The following MEPCE variants were observed in gnomAD, a reference collection of about 807,000 sequenced individuals.
The protein encoded by MEPCE is methylphosphate capping enzyme.
MEPCE carries 9 observed loss-of-function variants against 52.3 expected under a neutral mutation model. That is an observed-to-expected ratio of 0.17 (90% CI 0.10 to 0.30). The LOEUF is 0.30. MEPCE is among the 10% of genes least tolerant of loss of function. MEPCE has a pLI of 1.00. For synonymous variants in MEPCE, 477 were observed against 401.6 expected (o/e 1.19, Z -2.25); for missense variants, 826 against 933.0 (o/e 0.89, Z 1.49).
In MEPCE at chr7:100,429,893, C is replaced by T. The variant is rs927278483; in HGVS notation, c.-126C>T. ...GGCGGGGAGGCGCTTGGGCGCGAGACTAGGCGTGAAGAGCAGAGCTGCGCG... is the reference window on the plus strand; with the variant it reads ...GGCGGGGAGGCGCTTGGGCGCGAGATTAGGCGTGAAGAGCAGAGCTGCGCG... On this transcript the variant is annotated 5_prime_UTR_variant, in exon 1 of 4. Coordinates refer to ENST00000310512, the MANE Select transcript of MEPCE (RefSeq NM_019606.6). 2.6e-6 allele frequency: 2 copies of T among 778,248 alleles called. No homozygotes were observed. The highest frequency in any genetic ancestry group is 3.5e-6 in the Non-Finnish European group (2 of 574,630). 48.2% of individuals were successfully genotyped at this position (778,248 alleles called of 1,614,324 possible).
In MEPCE at chr7:100,430,986, A is replaced by C; in HGVS notation, c.968A>C (p.Asn323Thr). The part of the protein sequence containing the change: ...PQPYELNTAI[N>T]CRDEVVSPLP... ...CCCTATGAACTCAACACAGCCATCA[A>C]CTGCAGGGATGAAGTGGTGTCTCCC... Residue 323 changes from asparagine (N) to threonine (T), a missense_variant, in exon 1 of 4, where the codon AAC becomes ACC. Transcript: ENST00000310512. 2 of 1,612,932 alleles carry C rather than the reference A, an allele frequency of 1.2e-6. No individual in the cohort carries two copies. The highest frequency in any genetic ancestry group is 8.5e-7 in the Non-Finnish European group (1 of 1,179,370).
At position 100,432,914 on chromosome 7, in the gene MEPCE, C is replaced by T. The variant is rs780580492; in HGVS notation, c.1672-5C>T. On this transcript the variant is annotated splice_polypyrimidine_tract_variant and splice_region_variant and intron_variant, in intron 1 of 3. Coordinates refer to ENST00000310512, the MANE Select transcript of MEPCE (RefSeq NM_019606.6). ...GTTGACCTCACTGCCGATTCTTGCC[C>T]TCAGGGTAATTATGTGCTGGATCGA... is the stretch of plus-strand genomic sequence containing the variant. The T allele has an allele frequency of 6.2e-6, 10 of 1,613,546 alleles. No homozygotes were observed. Among genetic ancestry groups the T allele is most frequent in the African/African-American group, 1.3e-5 (1 of 74,914 alleles).
chr7:100,431,063 G>A lies in MEPCE; in HGVS notation c.1045G>A (p.Ala349Thr). The change falls in exon 1 of 4, where the codon GCC becomes ACC. Residue 349 changes from alanine to threonine, a missense_variant. Transcript: ENST00000310512. ...AGGCTCCCTATCAGCCCCTCCAGCTGCCTCAGTTATCTCTGCACCCCCATC... is the reference window on the plus strand; with the variant it reads ...AGGCTCCCTATCAGCCCCTCCAGCTACCTCAGTTATCTCTGCACCCCCATC... ...PSGSLSAPPA[A>T]SVISAPPSSS... 1 of 1,613,796 alleles carries A rather than the reference G, an allele frequency of 6.2e-7. No homozygotes were observed. Among genetic ancestry groups the A allele is most frequent in the Admixed American group, 1.7e-5 (1 of 60,006 alleles).
chr7:100,433,872 C>T lies in MEPCE; in HGVS notation c.*318C>T. On this transcript the variant is annotated 3_prime_UTR_variant, in exon 4 of 4. Coordinates refer to ENST00000310512, the MANE Select transcript of MEPCE (RefSeq NM_019606.6). ...TGGGAGGATATCAAATTCTCTAGCC[C>T]TTTCCTCCTATTCTCCCAAGGAGAG... is the stretch of plus-strand genomic sequence containing the variant. 2.5e-6 allele frequency: 1 copy of T among 406,184 alleles called. No homozygotes were observed. Among genetic ancestry groups the T allele is most frequent in the South Asian group, 3.6e-5 (1 of 27,942 alleles). 25.2% of individuals were successfully genotyped at this position (406,184 alleles called of 1,614,324 possible). A position where few individuals can be genotyped will look rare whatever the true frequency, so the allele number is the denominator to read the frequency against.
Position 100,430,193 on chromosome 7 carries a change from G to C in MEPCE, c.175G>C (p.Gly59Arg). The C allele has an allele frequency of 7.7e-7, 1 of 1,300,754 alleles. No individual in the cohort carries two copies. The highest frequency in any genetic ancestry group is 9.7e-7 in the Non-Finnish European group (1 of 1,027,052). The allele number at this position is 1,300,754 out of a possible 1,614,324, so 80.6% of individuals were successfully genotyped here. A position where few individuals can be genotyped will look rare whatever the true frequency, so the allele number is the denominator to read the frequency against. ...TCCGGGTCGTTGCGCGCCATCTGCG[G>C]GGTCCCCAGCCGCTGCGGTCGGTCG... is the stretch of plus-strand genomic sequence containing the variant. ...RGPGRCAPSA[G>R]SPAAAVGRES... Residue 59 changes from glycine to arginine, a missense_variant, in exon 1 of 4, where the codon GGG becomes CGG. Gly to Arg is a moderately radical substitution (Grantham distance 125, BLOSUM62 -2). This residue lies in a region of MEPCE where 314 missense variants were observed against 277.7 expected (regional missense o/e 1.13). Transcript: ENST00000310512.
In MEPCE at chr7:100,431,198, C is replaced by T. The variant is rs754667735; in HGVS notation, c.1180C>T (p.Arg394Cys). 3 of 1,613,566 alleles carry T rather than the reference C, an allele frequency of 1.9e-6. No homozygotes were observed. The highest frequency in any genetic ancestry group is 2.2e-5 in the East Asian group (1 of 44,898). Residue 394 changes from arginine to cysteine, a missense_variant, in exon 1 of 4, where the codon CGC (arginine) becomes TGC (cysteine). Arg to Cys is a radical substitution (Grantham distance 180). Coordinates refer to ENST00000310512, the MANE Select transcript of MEPCE (RefSeq NM_019606.6). ...AAAGGGCCGAGGGAGTTGGGGAGGC[C>T]GCCACCACCACCACCACCCACTGCC... ...KEKGRGSWGG[R>C]HHHHHPLPAA...
At chr7:100,432,880 A>C (rs766324146) in intron 1 of MEPCE, 39 bp from the exon 2 acceptor site, 1 of 1,593,054 alleles carries the variant, frequency 6.3e-7, no homozygotes, top group Non-Finnish European at 8.6e-7. Context: ...GGGTTCTTTG[A>C]TTCCCTCAGT....
Position 100,433,632 on chromosome 7 carries a change from A to G in MEPCE, c.*78A>G, listed in dbSNP as rs1327208633. ...CCTGGGGGAAGAGGAAAGTGTCCCA[A>G]GGTCTTTCCTTTCTGACTCCAAAAA... On this transcript the variant is annotated 3_prime_UTR_variant, in exon 4 of 4. Coordinates refer to ENST00000310512, the MANE Select transcript of MEPCE (RefSeq NM_019606.6). 57 of 1,402,612 alleles carry G rather than the reference A, an allele frequency of 4.1e-5. No individual in the cohort carries two copies. In the East Asian group the frequency reaches 9.2e-4, roughly 23 times the overall value. 86.9% of individuals were successfully genotyped at this position (1,402,612 alleles called of 1,614,324 possible). A position where few individuals can be genotyped will look rare whatever the true frequency, so the allele number is the denominator to read the frequency against.
rs1461329352 is a variant in MEPCE, at chr7:100,431,695, A to C, written c.1671+6A>C. 1 of 1,570,308 alleles carries C rather than the reference A, an allele frequency of 6.4e-7. No individual in the cohort carries two copies. Among genetic ancestry groups the C allele is most frequent in the Non-Finnish European group, 8.6e-7 (1 of 1,162,896 alleles). On this transcript the variant is annotated splice_donor_region_variant and intron_variant, in intron 1 of 3. Transcript: ENST00000310512. ...ACAATGTTGTCTTCGTCACGGTAAG[A>C]GGGTCCAGAGGCTCTTGGAATAGGG...
rs941493446 is a variant in MEPCE at position 100,433,663 on chromosome 7, T to G, written c.*109T>G. The G allele has an allele frequency of 6.1e-6, 7 of 1,147,760 alleles. No homozygotes were observed. The highest frequency in any genetic ancestry group is 8.8e-6 in the Non-Finnish European group (7 of 792,318). 71.1% of individuals were successfully genotyped at this position (1,147,760 alleles called of 1,614,324 possible). On this transcript the variant is annotated 3_prime_UTR_variant, in exon 4 of 4. Coordinates refer to ENST00000310512, the MANE Select transcript of MEPCE (RefSeq NM_019606.6). ...TTCCTTTCTGACTCCAAAAATAGTT[T>G]CCTTTCTTGGATCTGCAAAGAAAGC...
rs1798767155 is a variant in MEPCE, at chr7:100,433,083, C to T, written c.1836C>T (p.Ile612=). 6.2e-7 allele frequency: 1 copy of T among 1,614,032 alleles called. No homozygotes were observed. The highest frequency in any genetic ancestry group is 8.5e-7 in the Non-Finnish European group (1 of 1,180,038). The change falls in exon 2 of 4, where the codon ATC becomes ATT. Residue 612 remains isoleucine (I), a synonymous_variant. Coordinates refer to ENST00000310512, the MANE Select transcript of MEPCE (RefSeq NM_019606.6). The part of the protein sequence containing the change: ...RIYRHLRPGG[I]LVLEPQPWSS... ...ACCGGCACCTACGCCCTGGGGGCAT[C>T]CTGGTCCTAGAGCCCCAACCCTGGT...
Position 100,430,227 on chromosome 7 carries a change from C to G in MEPCE, c.209C>G (p.Pro70Arg). The change falls in exon 1 of 4, where the codon CCC becomes CGC. Residue 70 changes from proline to arginine, a missense_variant. This residue lies in a region of MEPCE where 314 missense variants were observed against 277.7 expected (regional missense o/e 1.13). Coordinates refer to ENST00000310512, the MANE Select transcript of MEPCE (RefSeq NM_019606.6). The stretch of plus-strand genomic sequence containing the variant: ...GCCGCTGCGGTCGGTCGGGAAAGCC[C>G]CGGGGCCGCGGCCACCTCCTCCAGT... ...SPAAAVGRES[P>R]GAAATSSSGP... The G allele has an allele frequency of 7.5e-7, 1 of 1,336,632 alleles. No individual in the cohort carries two copies. Among genetic ancestry groups the G allele is most frequent in the Non-Finnish European group, 9.5e-7 (1 of 1,048,408 alleles). 82.8% of individuals were successfully genotyped at this position (1,336,632 alleles called of 1,614,324 possible).
chr7:100,430,123 C>T lies in MEPCE; in HGVS notation c.105C>T (p.His35=), dbSNP rs531360161. 1.4e-4 allele frequency: 175 copies of T among 1,267,550 alleles called. No homozygotes were observed. In the African/African-American group the frequency reaches 2.4e-3, roughly 17 times the overall value. The allele number at this position is 1,267,550 out of a possible 1,614,324, so 78.5% of individuals were successfully genotyped here. A position where few individuals can be genotyped will look rare whatever the true frequency, so the allele number is the denominator to read the frequency against. The change falls in exon 1 of 4, where the codon CAC becomes CAT. Residue 35 remains histidine, a synonymous_variant. Coordinates refer to ENST00000310512, the MANE Select transcript of MEPCE (RefSeq NM_019606.6). ...GGGGGPTVPP[H]QEAASGELRG... ...GGGGCGGCCCCACGGTGCCACCGCA[C>T]CAAGAGGCCGCCTCTGGGGAGCTCC...
Position 100,433,049 on chromosome 7 carries a change from G to C in MEPCE, c.1802G>C (p.Arg601Pro), listed in dbSNP as rs1280843063. Residue 601 changes from arginine (R) to proline (P), a missense_variant, in exon 2 of 4, where the codon CGC (arginine) becomes CCC (proline). By Grantham distance (103) the Arg-to-Pro change is moderately radical. Coordinates refer to ENST00000310512, the MANE Select transcript of MEPCE (RefSeq NM_019606.6). ...WGDEGLKRMF[R>P]RIYRHLRPGG... is the part of the protein sequence containing the mutation. ...GACGAGGGCCTGAAGCGCATGTTTCGCCGGATCTACCGGCACCTACGCCCT... is the reference window on the plus strand; with the variant it reads ...GACGAGGGCCTGAAGCGCATGTTTCCCCGGATCTACCGGCACCTACGCCCT... 6.2e-7 allele frequency: 1 copy of C among 1,614,050 alleles called. No individual in the cohort carries two copies. Among genetic ancestry groups the C allele is most frequent in the Non-Finnish European group, 8.5e-7 (1 of 1,180,038 alleles).
rs549696128 is a variant in MEPCE, at chr7:100,430,970, C to G, written c.952C>G (p.Leu318Val). The G allele has an allele frequency of 6.2e-7, 1 of 1,610,864 alleles. No individual in the cohort carries two copies. The highest frequency in any genetic ancestry group is 8.5e-7 in the Non-Finnish European group (1 of 1,178,060). The stretch of plus-strand genomic sequence containing the variant: ...CCGGGATGCCCCCCAACCCTATGAA[C>G]TCAACACAGCCATCAACTGCAGGGA... ...QNRDAPQPYE[L>V]NTAINCRDEV... Residue 318 changes from leucine to valine, a missense_variant, in exon 1 of 4, where the codon CTC (leucine) becomes GTC (valine). Physicochemically the swap from Leu to Val is conservative, Grantham distance 32. Around this residue, in one of 7 missense-constraint regions of MEPCE, gnomAD observed 307 missense variants for 292.1 expected, o/e 1.05. Coordinates refer to ENST00000310512, the MANE Select transcript of MEPCE (RefSeq NM_019606.6).
At chr7:100,433,411 A>G (rs769025268) in intron 3 of MEPCE, 22 bp downstream of exon 3, 4 of 1,614,012 alleles carry the variant, frequency 2.5e-6, no homozygotes, top group East Asian at 2.2e-5. Flanking sequence ...TTATTTTGTC[A>G]GGGAGGCTGG....
chr7:100,429,937 G>C lies in MEPCE; in HGVS notation c.-82G>C. 9.2e-7 allele frequency: 1 copy of C among 1,086,564 alleles called. No homozygotes were observed. Among genetic ancestry groups the C allele is most frequent in the Non-Finnish European group, 1.2e-6 (1 of 854,220 alleles). The allele number at this position is 1,086,564 out of a possible 1,614,324, so 67.3% of individuals were successfully genotyped here. A position where few individuals can be genotyped will look rare whatever the true frequency, so the allele number is the denominator to read the frequency against. ...CTGCGCGCGCACTCGGGAAAGGGGG[G>C]AAGGGAGCAGGGTCCAGGCAGGGGG... On this transcript the variant is annotated 5_prime_UTR_variant, in exon 1 of 4. Transcript: ENST00000310512.
chr7:100,432,239 AC>A (rs1385911613), intron 1 of MEPCE, among the ~76,000 whole-genome samples: 1 of 152,100 alleles, frequency 6.6e-6, no homozygotes, highest in Non-Finnish European at 1.5e-5. Flanking sequence ...CTCCACATTG[AC>A]CCTAGATAGT....
In MEPCE at chr7:100,429,973, C is replaced by T. The variant is rs1007759785; in HGVS notation, c.-46C>T. 8 of 1,226,142 alleles carry T rather than the reference C, an allele frequency of 6.5e-6. No individual in the cohort carries two copies. In the Admixed American group the frequency reaches 1.3e-4, roughly 19 times the overall value. The allele number at this position is 1,226,142 out of a possible 1,614,324, so 76.0% of individuals were successfully genotyped here. On this transcript the variant is annotated 5_prime_UTR_variant, in exon 1 of 4. Coordinates refer to ENST00000310512, the MANE Select transcript of MEPCE (RefSeq NM_019606.6). ...GGTCCAGGCAGGGGGGGTTAGGCCC[C>T]CTGATCCCCCTCGTTACCCCGACTG...
Sources: gnomAD v4.1 joint callset for allele counts (sites outside exome capture counted in the v4.1 genomes callset) on GRCh38, gnomAD v4.1.1 for gene constraint, gnomAD v4.1.1 regional missense constraint, MANE v1.5 for transcripts, NCBI Gene and HGNC (gene_info 2026-07-23, HGNC 2026-07-21) for gene names.